The following ZBBX variants were observed in gnomAD, a reference collection of about 807,000 sequenced individuals.
ZBBX encodes zinc finger B-box domain containing, also known as zinc finger B-box domain-containing protein 1.
ZBBX carries 101 observed loss-of-function variants against 108.5 expected under a neutral mutation model. The ratio of observed to expected loss-of-function variants is 0.93; its 90% CI spans 0.79 to 1.10. The LOEUF is 1.10. Among genes scored for constraint, ZBBX ranks in the 50% least tolerant of loss-of-function variants. The pLI is 0.00. For missense variants in ZBBX, 1,009 were observed against 941.4 expected, an observed-to-expected ratio of 1.07 and a Z score of -0.94; for synonymous variants, 356 against 323.4, an observed-to-expected ratio of 1.10 and a Z score of -1.08.
intron 1 of ZBBX, among the ~76,000 whole-genome samples, chr3:167,394,558 T>C (rs1748173919): frequency 6.6e-6 from 1 of 151,970 alleles, no homozygotes; most frequent in African/African-American, 2.4e-5. Flanking sequence ...CAAACTCATT[T>C]TTTTTTTCTG....
In ZBBX at chr3:167,398,051, T is replaced by C. The variant is rs13315548; in HGVS notation, c.-446+9675A>G. ...GTGTGCCCATTTTGTTCTGGCACTT[T>C]GTTTCATGAATGTGCTACAAGATGA... On this transcript the variant is annotated intron_variant, in intron 1 of 21. Coordinates refer to the ZBBX transcript ENST00000455345. Among the ~76,000 whole-genome samples, 1,098 of 151,960 alleles carry C rather than the reference T, an allele frequency of 7.2e-3. 12 individuals carry two copies. The highest frequency in any genetic ancestry group is 0.012 in the Non-Finnish European group (796 of 67,934).
the ZBBX span, among the ~76,000 whole-genome samples, chr3:167,210,521 C>A: frequency 6.6e-6 from 1 of 151,988 alleles, no homozygotes; most frequent in African/African-American, 2.4e-5. Context: ...AAGAACTTTC[C>A]AAATCTGGAG....
rs557965969 is a variant in ZBBX, at chr3:167,348,768, C to T, written c.528+1652G>A. The stretch of plus-strand genomic sequence containing the variant: ...ACTATATATATATGAAGTGTATATT[C>T]GGTAGATATTTTCTCACTAATTTAA... On this transcript the variant is annotated intron_variant, in intron 9 of 21. Coordinates refer to ENST00000675490, the MANE Select transcript of ZBBX (RefSeq NM_001199201.2). Among the ~76,000 whole-genome samples, 5 of 152,014 alleles carry T rather than the reference C, an allele frequency of 3.3e-5. No homozygotes were observed. The East Asian group carries it at 5.8e-4, about 18-fold the overall frequency.
intron 1 of ZBBX, chr3:167,392,831 G>A (rs1748115765): frequency 6.6e-6 from 1 of 151,882 alleles, no homozygotes; most frequent in African/African-American, 2.4e-5. Flanking sequence ...GATTTGACAT[G>A]TTGAATTTGA....
chr3:167,194,734 C>A, the ZBBX span, among the ~76,000 whole-genome samples: 1 of 152,150 alleles, frequency 6.6e-6, no homozygotes, highest in Non-Finnish European at 1.5e-5. Flanking sequence ...CAACTGCTGG[C>A]TTGGGCTCCT....
At chr3:167,335,029 A>G (rs1436480870) in intron 9 of ZBBX, among the ~76,000 whole-genome samples, 2 of 152,000 alleles carry the variant, frequency 1.3e-5, no homozygotes, top group African/African-American at 2.4e-5. Context: ...CATTACTCCA[A>G]CAAGTCTAGG....
At chr3:167,294,546 C>T (rs1267792996) in intron 18 of ZBBX, among the ~76,000 whole-genome samples, 2 of 152,112 alleles carry the variant, frequency 1.3e-5, no homozygotes, top group Non-Finnish European at 2.9e-5. Context: ...AAAATTAACT[C>T]AAGATAGGTT....
At chr3:167,191,934 T>TATATATAGAGAGAGAG in the ZBBX span, among the ~76,000 whole-genome samples, 5 of 130,218 alleles carry the variant, frequency 3.8e-5, no homozygotes, top group African/African-American at 1.5e-4. Flanking sequence ...TATATATATA[T>TATATATAGAGAGAGAG]AGAGCAAGTT....
At chr3:167,298,020 C>T (rs1264545417) in intron 18 of ZBBX, among the ~76,000 whole-genome samples, 1 of 151,998 alleles carries the variant, frequency 6.6e-6, no homozygotes, top group Non-Finnish European at 1.5e-5. Context: ...GCCAAATAAA[C>T]TTCTTTTATT....
At chr3:167,233,182 C>T in the ZBBX span, among the ~76,000 whole-genome samples, 3 of 151,726 alleles carry the variant, frequency 2.0e-5, no homozygotes, top group African/African-American at 4.8e-5. Flanking sequence ...ACACAAATTA[C>T]CCATCCTTCT....
chr3:167,278,340 G>C (rs1728078005), intron 20 of ZBBX, among the ~76,000 whole-genome samples: 1 of 151,138 alleles, frequency 6.6e-6, no homozygotes, highest in Non-Finnish European at 1.5e-5. Context: ...CAACAAAATT[G>C]ATAAACCACT....
chr3:167,185,768 A>G, the ZBBX span, among the ~76,000 whole-genome samples: 1 of 152,108 alleles, frequency 6.6e-6, no homozygotes, highest in Non-Finnish European at 1.5e-5. Context: ...TTCAACACAT[A>G]CTGCTTTTCC....
chr3:167,325,697 G>A (rs1003057800), intron 11 of ZBBX, among the ~76,000 whole-genome samples: 10 of 152,020 alleles, frequency 6.6e-5, no homozygotes, highest in South Asian at 4.1e-4. Context: ...ACCACATAGC[G>A]TGTACTCAAT....
chr3:167,385,126 T>C (rs923277380), upstream of ZBBX, among the ~76,000 whole-genome samples: 7 of 152,030 alleles, frequency 4.6e-5, no homozygotes, highest in Admixed American at 3.9e-4. Context: ...CTAAGAAATA[T>C]GTGATTAGGT....
At chr3:167,315,296 G>A (rs772193169) in intron 15 of ZBBX, among the ~76,000 whole-genome samples, 7 of 152,048 alleles carry the variant, frequency 4.6e-5, no homozygotes, top group African/African-American at 1.4e-4. Flanking sequence ...TTTATTATAC[G>A]TTAAAATCTA....
At chr3:167,321,970 A>G (rs1169120476) in intron 12 of ZBBX, 147 bp downstream of exon 12, 2 of 421,476 alleles carry the variant, frequency 4.7e-6, no homozygotes, top group Non-Finnish European at 8.0e-6. Context: ...TTGGAACAGC[A>G]ACTTCACAGG....
intron 20 of ZBBX, among the ~76,000 whole-genome samples, chr3:167,259,475 C>T (rs533287011): frequency 3.9e-5 from 6 of 152,106 alleles, no homozygotes; most frequent in Non-Finnish European, 8.8e-5. Context: ...AATTTCATTT[C>T]GTTCTGCTCT....
At chr3:167,231,173 T>C in the ZBBX span, among the ~76,000 whole-genome samples, 2 of 151,792 alleles carry the variant, frequency 1.3e-5, no homozygotes, top group African/African-American at 4.8e-5. Context: ...AGCTAAGCGT[T>C]AAGTGGTGAT....
chr3:167,376,099 A>AT (rs560840684), intron 2 of ZBBX, among the ~76,000 whole-genome samples: 96 of 152,294 alleles, frequency 6.3e-4, no homozygotes, highest in African/African-American at 2.2e-3. Context: ...CTCAGACTCA[A>AT]TTTTCAACCA....
Sources: allele counts gnomAD v4.1 joint callset (sites outside exome capture counted in the v4.1 genomes callset), GRCh38; gene constraint gnomAD v4.1.1; transcripts MANE v1.5; gene names NCBI Gene and HGNC (gene_info 2026-07-23, HGNC 2026-07-21).